ADAMTSL3: variants seen among roughly 807,000 people sequenced by gnomAD.
ADAMTSL3 encodes the protein ADAMTS-like protein 3.
In ADAMTSL3, 128 loss-of-function variants were observed where a neutral mutation model predicts 201.7. The observed-to-expected ratio is 0.63, with a 90% confidence interval of 0.55 to 0.73. The LOEUF is 0.73. ADAMTSL3 is among the 30% of genes least tolerant of loss of function. ADAMTSL3 has a pLI of 0.00. For missense variants in ADAMTSL3, 1,990 were observed against 2,119.6 expected, an observed-to-expected ratio of 0.94 and a Z score of 1.20; for synonymous variants, 738 against 748.4, an observed-to-expected ratio of 0.99 and a Z score of 0.23.
chr15:83,955,805 C>G (rs2066850849), intron 19 of ADAMTSL3, among the ~76,000 whole-genome samples: 1 of 151,814 alleles, frequency 6.6e-6, no homozygotes, highest in Non-Finnish European at 1.5e-5. Context: ...AGTACAAAGT[C>G]CTCTTGACTG....
chr15:83,777,439 A>C (rs1400305293), intron 4 of ADAMTSL3, among the ~76,000 whole-genome samples: 1 of 152,172 alleles, frequency 6.6e-6, no homozygotes, highest in East Asian at 1.9e-4. Context: ...GAGCCAGAGA[A>C]CAAAGTTGGG....
chr15:83,879,091 A>T (rs969157147), intron 9 of ADAMTSL3, among the ~76,000 whole-genome samples: 1 of 152,208 alleles, frequency 6.6e-6, no homozygotes, highest in Non-Finnish European at 1.5e-5. Flanking sequence ...CTTTCTGAAC[A>T]ACCTGTAGTA....
chr15:83,759,986 G>A (rs2062783147), intron 3 of ADAMTSL3, among the ~76,000 whole-genome samples: 1 of 151,884 alleles, frequency 6.6e-6, no homozygotes, highest in Admixed American at 6.6e-5. Context: ...TCTTGCCAAG[G>A]AATTTAATTT....
chr15:83,775,370 C>G (rs571925470), intron 4 of ADAMTSL3, among the ~76,000 whole-genome samples: 1 of 150,496 alleles, frequency 6.6e-6, no homozygotes, highest in Non-Finnish European at 1.5e-5. Context: ...TACGTACTTG[C>G]GTTTGTTAAA....
chr15:83,838,359 A>G, intron 7 of ADAMTSL3, 144 bp downstream of exon 7: 6 of 1,148,036 alleles, frequency 5.2e-6, no homozygotes, highest in Non-Finnish European at 7.1e-6. Context: ...AATTTCTTCC[A>G]AGAAGTGTGT....
chr15:84,013,732 C>A (rs933176892), intron 23 of ADAMTSL3, among the ~76,000 whole-genome samples: 1 of 152,212 alleles, frequency 6.6e-6, no homozygotes, highest in Non-Finnish European at 1.5e-5. Flanking sequence ...TGTGCCACTG[C>A]ACTCCAGGCT....
intron 17 of ADAMTSL3, among the ~76,000 whole-genome samples, chr15:83,938,431 C>A (rs569958298): frequency 6.6e-5 from 10 of 152,164 alleles, no homozygotes; most frequent in Non-Finnish European, 1.5e-4. Flanking sequence ...TATCTAAAAA[C>A]GCCTAGAACT....
chr15:83,720,762 C>T (rs1430167955), intron 3 of ADAMTSL3, among the ~76,000 whole-genome samples: 1 of 152,174 alleles, frequency 6.6e-6, no homozygotes, highest in African/African-American at 2.4e-5. Flanking sequence ...ATTTTGTGTT[C>T]TAACTTGAAG....
At chr15:83,684,924 T>C (rs1234913304) in intron 2 of ADAMTSL3, among the ~76,000 whole-genome samples, 1 of 152,192 alleles carries the variant, frequency 6.6e-6, no homozygotes, top group Non-Finnish European at 1.5e-5. Flanking sequence ...TTGGAAAAAT[T>C]ATTAGGTAAA....
Position 84,021,526 on chromosome 15 carries a change from C to T in ADAMTSL3, c.4390C>T (p.Leu1464=), listed in dbSNP as rs748854720. Residue 1464 remains leucine, a synonymous_variant, in exon 26 of 30, where the codon CTG becomes TTG. Coordinates refer to ENST00000286744, the MANE Select transcript of ADAMTSL3 (RefSeq NM_207517.3). ...MANGQEVSEA[L]CDHLQKPLAG... is the part of the protein sequence containing the mutation. ...CAATGGGCAGGAAGTGAGTGAGGCC[C>T]TGTGTGATCACCTCCAGAAGCCACT... The T allele has an allele frequency of 6.2e-7, 1 of 1,614,162 alleles. No homozygotes were observed. Among genetic ancestry groups the T allele is most frequent in the South Asian group, 1.1e-5 (1 of 91,074 alleles).
intron 3 of ADAMTSL3, among the ~76,000 whole-genome samples, chr15:83,706,901 T>C (rs1360375589): frequency 6.6e-6 from 1 of 152,136 alleles, no homozygotes; most frequent in South Asian, 2.1e-4. Context: ...ACTCCTGGGC[T>C]CAAGCGATCT....
chr15:83,890,111 T>A lies in ADAMTSL3; in HGVS notation c.1075T>A (p.Tyr359Asn). 1 of 1,611,866 alleles carries A rather than the reference T, an allele frequency of 6.2e-7. No homozygotes were observed. The highest frequency in any genetic ancestry group is 2.2e-5 in the East Asian group (1 of 44,800). The change falls in exon 11 of 30, where the codon TAT becomes AAT. Residue 359 changes from tyrosine to asparagine, a missense_variant and splice_region_variant. Physicochemically the swap from Tyr to Asn is moderately radical, Grantham distance 143. Coordinates refer to ENST00000286744, the MANE Select transcript of ADAMTSL3 (RefSeq NM_207517.3). The part of the protein sequence containing the change: ...FPCTVTCGGG[Y>N]QLNSAECVDI... ...ACTTGCCTTTTCTAACACTTTAGGT[T>A]ATCAGCTCAATTCTGCTGAATGTGT...
At chr15:83,971,705 G>T (rs373135277) in intron 20 of ADAMTSL3, among the ~76,000 whole-genome samples, 1 of 151,154 alleles carries the variant, frequency 6.6e-6, no homozygotes, top group Non-Finnish European at 1.5e-5. Context: ...GTAGGGAACA[G>T]GCATAGTGGA....
chr15:83,714,322 G>T (rs1309861838), intron 3 of ADAMTSL3, among the ~76,000 whole-genome samples: 2 of 152,208 alleles, frequency 1.3e-5, no homozygotes, highest in Non-Finnish European at 2.9e-5. Flanking sequence ...GGGGGCACAG[G>T]TGTGTAGCTG....
At chr15:83,787,374 G>A (rs2063281327) in intron 4 of ADAMTSL3, among the ~76,000 whole-genome samples, 1 of 152,096 alleles carries the variant, frequency 6.6e-6, no homozygotes, top group Admixed American at 6.6e-5. Flanking sequence ...TAAATTAATA[G>A]AGAAATGAAG....
At chr15:83,924,889 T>TA (rs1457002676) in intron 17 of ADAMTSL3, among the ~76,000 whole-genome samples, 4 of 152,192 alleles carry the variant, frequency 2.6e-5, no homozygotes, top group African/African-American at 9.6e-5. Context: ...TCCTACCTCT[T>TA]AGTCGTTTGC....
chr15:83,854,828 CT>C (rs1342647237), intron 7 of ADAMTSL3, among the ~76,000 whole-genome samples: 1 of 152,110 alleles, frequency 6.6e-6, no homozygotes, highest in Non-Finnish European at 1.5e-5. Context: ...TGACAATATT[CT>C]TTTTGGGTTT....
intron 3 of ADAMTSL3, among the ~76,000 whole-genome samples, chr15:83,720,167 A>G (rs1436384021): frequency 6.6e-6 from 1 of 152,114 alleles, no homozygotes; most frequent in African/African-American, 2.4e-5. Flanking sequence ...TGCAGTGAGC[A>G]GAAATCATAC....
chr15:83,748,029 C>G (rs1054741497), intron 3 of ADAMTSL3, among the ~76,000 whole-genome samples: 1 of 151,814 alleles, frequency 6.6e-6, no homozygotes, highest in Non-Finnish European at 1.5e-5. Flanking sequence ...ATATGTCATT[C>G]CCCTTAAAGA....
Sources: allele counts gnomAD v4.1 joint callset (sites outside exome capture counted in the v4.1 genomes callset), GRCh38; gene constraint gnomAD v4.1.1; transcripts MANE v1.5; gene names NCBI Gene and HGNC (gene_info 2026-07-23, HGNC 2026-07-21).